GPC5: variants seen among roughly 807,000 people sequenced by gnomAD.
The protein encoded by GPC5 is glypican 5, also known as glypican-5.
In GPC5, 47 loss-of-function variants were observed where a neutral mutation model predicts 53.9. The observed-to-expected ratio is 0.87, with a 90% CI of 0.69 to 1.11. GPC5 has a LOEUF of 1.11. GPC5 is among the 50% of genes most tolerant of loss of function. GPC5 has a pLI of 0.00. For synonymous variants in GPC5, 286 were observed against 263.3 expected (o/e 1.09, Z -0.84); for missense variants, 748 against 713.1 (o/e 1.05, Z -0.56).
At chr13:92,822,003 G>A (rs181041674) in intron 7 of GPC5, among the ~76,000 whole-genome samples, 153 of 151,048 alleles carry the variant, frequency 1.0e-3, no homozygotes, top group Non-Finnish European at 1.9e-3. Context: ...CAGAAAGGCA[G>A]TATTTTAGTA....
chr13:92,195,422 G>T (rs888388360), intron 7 of GPC5, among the ~76,000 whole-genome samples: 1 of 152,148 alleles, frequency 6.6e-6, no homozygotes, highest in African/African-American at 2.4e-5. Flanking sequence ...AACCCCTTGA[G>T]TTAGGAGCGT....
chr13:91,563,296 C>T (rs187404584), intron 2 of GPC5, among the ~76,000 whole-genome samples: 37 of 152,204 alleles, frequency 2.4e-4, no homozygotes, highest in Middle Eastern at 6.8e-3. Flanking sequence ...CAGATATGGA[C>T]CGCCTGCTAA....
chr13:92,435,032 A>C (rs943075156), intron 7 of GPC5, among the ~76,000 whole-genome samples: 1 of 152,134 alleles, frequency 6.6e-6, no homozygotes, highest in African/African-American at 2.4e-5. Flanking sequence ...CTTCTGTCTC[A>C]TCCTCCTGAG....
At chr13:92,277,028 A>C (rs564144898) in intron 7 of GPC5, among the ~76,000 whole-genome samples, 1 of 152,144 alleles carries the variant, frequency 6.6e-6, no homozygotes, top group African/African-American at 2.4e-5. Flanking sequence ...TTTACAGGAA[A>C]TGCTAAAGCA....
At chr13:91,854,603 G>A (rs2038947768) in intron 5 of GPC5, among the ~76,000 whole-genome samples, 1 of 151,246 alleles carries the variant, frequency 6.6e-6, no homozygotes, top group Non-Finnish European at 1.5e-5. Context: ...ATCTCCATGG[G>A]TTCAATAGTT....
intron 2 of GPC5, among the ~76,000 whole-genome samples, chr13:91,537,734 C>T (rs571970937): frequency 6.6e-6 from 1 of 152,196 alleles, no homozygotes; most frequent in African/African-American, 2.4e-5. Flanking sequence ...AACTACTGAC[C>T]GATATCTCTT....
chr13:92,554,468 C>T (rs1882426289), intron 7 of GPC5, among the ~76,000 whole-genome samples: 1 of 150,878 alleles, frequency 6.6e-6, no homozygotes, highest in Admixed American at 6.6e-5. Flanking sequence ...ATTTTCCTAC[C>T]TGTATAGATT....
intron 7 of GPC5, among the ~76,000 whole-genome samples, chr13:92,564,490 T>G (rs904339041): frequency 6.6e-6 from 1 of 152,070 alleles, no homozygotes; most frequent in Non-Finnish European, 1.5e-5. Flanking sequence ...CTGCTTCATT[T>G]TATTTTTTGG....
intron 2 of GPC5, among the ~76,000 whole-genome samples, chr13:91,476,471 C>A (rs115427694): frequency 0.012 from 1,808 of 152,242 alleles, 43 homozygotes; most frequent in African/African-American, 0.042. Context: ...AAAGAAAAAT[C>A]CACATAAATA....
At chr13:92,180,129 A>C (rs1393830349) in intron 7 of GPC5, among the ~76,000 whole-genome samples, 2 of 152,168 alleles carry the variant, frequency 1.3e-5, no homozygotes, top group African/African-American at 4.8e-5. Context: ...GTTTTTCTCC[A>C]TGTGGTGGTC....
chr13:92,591,000 G>A (rs1293283838), intron 7 of GPC5, among the ~76,000 whole-genome samples: 1 of 152,066 alleles, frequency 6.6e-6, no homozygotes, highest in Non-Finnish European at 1.5e-5. Context: ...CTATGTAGCA[G>A]GACCCCATAA....
intron 1 of GPC5, among the ~76,000 whole-genome samples, chr13:91,415,281 G>T (rs958702585): frequency 6.6e-6 from 1 of 152,142 alleles, no homozygotes. Context: ...CAAGTTCAGT[G>T]TTCTTCCCCT....
chr13:92,541,408 GA>G (rs1881926820), intron 7 of GPC5, among the ~76,000 whole-genome samples: 1 of 151,724 alleles, frequency 6.6e-6, no homozygotes, highest in South Asian at 2.1e-4. Flanking sequence ...TATAATTTGA[GA>G]AAAAATCAAC....
rs566043145 is a variant in GPC5 at position 91,430,815 on chromosome 13, G to A, written c.164-17946G>A. On this transcript the variant is annotated intron_variant, in intron 1 of 7. Transcript: ENST00000377067. ...GGCAACACGATTTCCATTAATGTGC[G>A]TGTTAAACATGGTGGCAGTGGGGGT... Among the ~76,000 whole-genome samples the A allele has an allele frequency of 2.0e-4, 30 of 152,124 alleles. No homozygotes were observed. In the South Asian group the frequency reaches 5.2e-3, roughly 26 times the overall value.
chr13:91,441,434 A>G (rs1442815164), intron 1 of GPC5, among the ~76,000 whole-genome samples: 2 of 152,164 alleles, frequency 1.3e-5, no homozygotes, highest in African/African-American at 4.8e-5. Context: ...TATTGGCTAG[A>G]TTTCTTTATA....
chr13:92,853,278 G>C (rs997193720), intron 7 of GPC5, among the ~76,000 whole-genome samples: 1 of 152,072 alleles, frequency 6.6e-6, no homozygotes, highest in African/African-American at 2.4e-5. Context: ...ACTACAATGA[G>C]GTATTTTCAG....
At position 92,338,109 on chromosome 13, in the gene GPC5, C is replaced by T. The variant is rs2043337220; in HGVS notation, c.1561+193120C>T. The stretch of plus-strand genomic sequence containing the variant: ...AGATAGAAAAATACATAAAACTCAA[C>T]AATAAGGAAACATACAACCTGATGA... On this transcript the variant is annotated intron_variant, in intron 7 of 7. Transcript: ENST00000377067. Among the ~76,000 whole-genome samples, 7 of 152,008 alleles carry T rather than the reference C, an allele frequency of 4.6e-5. No homozygotes were observed. The South Asian group carries it at 1.4e-3, about 31-fold the overall frequency.
At chr13:92,458,442 G>A (rs1878358847) in intron 7 of GPC5, among the ~76,000 whole-genome samples, 1 of 151,936 alleles carries the variant, frequency 6.6e-6, no homozygotes, top group South Asian at 2.1e-4. Flanking sequence ...GGGATTACAG[G>A]GGCCTACCAC....
At chr13:91,572,222 T>TAC (rs1237005087) in intron 2 of GPC5, among the ~76,000 whole-genome samples, 7 of 125,816 alleles carry the variant, frequency 5.6e-5, no homozygotes, top group African/African-American at 3.1e-4. Flanking sequence ...TGTATATATA[T>TAC]ACACATATGT....
Sources: gnomAD v4.1 joint callset for allele counts (sites outside exome capture counted in the v4.1 genomes callset) on GRCh38, gnomAD v4.1.1 for gene constraint, MANE v1.5 for transcripts, NCBI Gene and HGNC (gene_info 2026-07-23, HGNC 2026-07-21) for gene names.